THSD7B: variants seen among roughly 807,000 people sequenced by gnomAD.
THSD7B encodes the protein thrombospondin type-1 domain-containing protein 7B.
THSD7B carries 138 observed loss-of-function variants against 213.6 expected under a neutral mutation model. The observed-to-expected ratio is 0.65, with a 90% CI of 0.56 to 0.74. The LOEUF is 0.74. THSD7B is among the 30% of genes least tolerant of loss of function. THSD7B has a pLI of 0.00. For synonymous variants in THSD7B, 742 were observed against 687.0 expected (o/e 1.08, Z -1.25); for missense variants, 1,931 against 1,991.5 (o/e 0.97, Z 0.58).
intron 21 of THSD7B, among the ~76,000 whole-genome samples, chr2:137,643,868 T>C (rs903069671): frequency 8.5e-5 from 13 of 152,228 alleles, no homozygotes; most frequent in African/African-American, 3.1e-4. Flanking sequence ...ATACAACTAC[T>C]ACTGTACCTT....
At chr2:137,222,167 T>G (rs1681385872) in intron 7 of THSD7B, among the ~76,000 whole-genome samples, 1 of 152,232 alleles carries the variant, frequency 6.6e-6, no homozygotes, top group Non-Finnish European at 1.5e-5. Context: ...CTAAATATTA[T>G]TTTCTATTAC....
intron 5 of THSD7B, among the ~76,000 whole-genome samples, chr2:137,145,210 A>G (rs190838307): frequency 1.8e-4 from 27 of 152,214 alleles, no homozygotes; most frequent in African/African-American, 4.1e-4. Context: ...ATAAAATAAC[A>G]TAACTATAGA....
At chr2:137,626,235 G>A (rs948939717) in intron 20 of THSD7B, among the ~76,000 whole-genome samples, 4 of 152,270 alleles carry the variant, frequency 2.6e-5, no homozygotes, top group African/African-American at 9.6e-5. Flanking sequence ...GGCCGAGGCG[G>A]GCGGATCACG....
intron 17 of THSD7B, among the ~76,000 whole-genome samples, chr2:137,593,230 G>A (rs879824692): frequency 2.6e-5 from 4 of 151,894 alleles, no homozygotes; most frequent in East Asian, 1.9e-4. Context: ...TACTGCAACC[G>A]TTCTGTAAAA....
chr2:137,552,475 T>G (rs1259637577), intron 15 of THSD7B, among the ~76,000 whole-genome samples: 1 of 152,190 alleles, frequency 6.6e-6, no homozygotes, highest in Admixed American at 6.6e-5. Context: ...TTTTTCCTTT[T>G]TTTCCTGTTA....
At chr2:137,474,613 T>C (rs184212680) in intron 15 of THSD7B, among the ~76,000 whole-genome samples, 78 of 152,330 alleles carry the variant, frequency 5.1e-4, no homozygotes, top group African/African-American at 1.7e-3. Flanking sequence ...CAAATTATGC[T>C]TTCTAGGTCT....
intron 15 of THSD7B, among the ~76,000 whole-genome samples, chr2:137,469,383 A>G: frequency 6.6e-6 from 1 of 152,208 alleles, no homozygotes; most frequent in East Asian, 1.9e-4. Flanking sequence ...AATTATTATC[A>G]GTCATTTGTA....
Position 137,214,607 on chromosome 2 carries a change from G to A in THSD7B, c.1724-16437G>A, listed in dbSNP as rs186980457. Among the ~76,000 whole-genome samples, 350 of 131,042 alleles carry A rather than the reference G, an allele frequency of 2.7e-3. 2 individuals carry two copies. In the East Asian group the frequency reaches 0.029, roughly 11 times the overall value. The allele number at this position is 131,042 out of a possible 152,430, so 86.0% of individuals were successfully genotyped here. A position where few individuals can be genotyped will look rare whatever the true frequency, so the allele number is the denominator to read the frequency against. ...AGCCCCCCACCCCCTGACAGGCCCC[G>A]GTGTGTGATGTTCCCCTCCCTGTGT... On this transcript the variant is annotated intron_variant, in intron 7 of 27. Coordinates refer to ENST00000409968, the MANE Select transcript of THSD7B (RefSeq NM_001316349.2).
intron 2 of THSD7B, among the ~76,000 whole-genome samples, chr2:137,043,224 C>T (rs532728123): frequency 2.0e-5 from 3 of 152,276 alleles, no homozygotes; most frequent in East Asian, 3.9e-4. Context: ...TTACTTTGAG[C>T]CCTTCCTACC....
At chr2:137,469,357 C>A (rs576048949) in intron 15 of THSD7B, among the ~76,000 whole-genome samples, 1 of 152,136 alleles carries the variant, frequency 6.6e-6, no homozygotes. Flanking sequence ...ATTCAATATG[C>A]GATCCTCTTT....
intron 17 of THSD7B, among the ~76,000 whole-genome samples, chr2:137,594,002 G>T (rs1175569444): frequency 2.0e-5 from 3 of 151,906 alleles, no homozygotes; most frequent in African/African-American, 7.2e-5. Flanking sequence ...TGGATCCTGA[G>T]CTTCAGTACA....
At chr2:136,875,520 A>AT (rs1683513592) in intron 1 of THSD7B, among the ~76,000 whole-genome samples, 3 of 152,222 alleles carry the variant, frequency 2.0e-5, no homozygotes, top group Admixed American at 1.3e-4. Flanking sequence ...CAAAATTGAG[A>AT]TTCTTTTAAT....
intron 15 of THSD7B, among the ~76,000 whole-genome samples, chr2:137,521,513 T>A (rs963302808): frequency 6.6e-6 from 1 of 152,210 alleles, no homozygotes; most frequent in East Asian, 1.9e-4. Context: ...TTTCTTCTCA[T>A]TGGACCCTTT....
At chr2:137,234,433 T>G (rs2105057630) in intron 9 of THSD7B, among the ~76,000 whole-genome samples, 2 of 152,294 alleles carry the variant, frequency 1.3e-5, no homozygotes, top group East Asian at 3.9e-4. Flanking sequence ...GGAAATGAAC[T>G]GCTTACGGCA....
intron 20 of THSD7B, among the ~76,000 whole-genome samples, chr2:137,636,662 G>T (rs1327692906): frequency 6.6e-6 from 1 of 151,830 alleles, no homozygotes; most frequent in Non-Finnish European, 1.5e-5. Flanking sequence ...AACATGAATT[G>T]TCTTCAAGTA....
chr2:136,816,128 G>A (rs575679966), intron 1 of THSD7B, among the ~76,000 whole-genome samples: 1 of 152,258 alleles, frequency 6.6e-6, no homozygotes, highest in South Asian at 2.1e-4. Context: ...CAGACAATCT[G>A]CACACCTTGG....
chr2:136,923,281 C>T (rs9287455), intron 2 of THSD7B, among the ~76,000 whole-genome samples: 30,887 of 152,018 alleles, frequency 0.2, 3,455 homozygotes, highest in African/African-American at 0.3. Context: ...AACAGAATTT[C>T]CTTCTTTTTA....
At chr2:136,980,413 A>G (rs544889773) in intron 2 of THSD7B, among the ~76,000 whole-genome samples, 39 of 152,222 alleles carry the variant, frequency 2.6e-4, no homozygotes, top group African/African-American at 9.4e-4. Flanking sequence ...TCTCAGGGAG[A>G]TAAGAGTTCT....
At chr2:137,076,976 T>A (rs1410061887) in intron 3 of THSD7B, among the ~76,000 whole-genome samples, 88 of 71,376 alleles carry the variant, frequency 1.2e-3, no homozygotes, top group African/African-American at 5.0e-3. Flanking sequence ...CCCTCCCCCC[T>A]CCCCCCACCC....
Sources: gnomAD v4.1 joint callset for allele counts (sites outside exome capture counted in the v4.1 genomes callset) on GRCh38, gnomAD v4.1.1 for gene constraint, MANE v1.5 for transcripts, NCBI Gene and HGNC (gene_info 2026-07-23, HGNC 2026-07-21) for gene names.